Variants in MACROD2 observed in about 807,000 individuals in gnomAD.
MACROD2 encodes the protein ADP-ribose glycohydrolase MACROD2.
Under a neutral mutation model 70.4 loss-of-function variants are expected in MACROD2, and 36 were observed. The ratio of observed to expected loss-of-function variants is 0.51; its 90% CI spans 0.39 to 0.68. The LOEUF (loss-of-function observed/expected upper bound fraction) is 0.68. MACROD2 is among the 30% of genes least tolerant of loss of function. The pLI is 0.00. For synonymous variants in MACROD2, 172 were observed against 178.8 expected, an observed-to-expected ratio of 0.96 and a Z score of 0.30; for missense variants, 496 against 538.4, an observed-to-expected ratio of 0.92 and a Z score of 0.78.
At chr20:14,420,599 G>A (rs1353547827) in intron 3 of MACROD2, among the ~76,000 whole-genome samples, 2 of 152,178 alleles carry the variant, frequency 1.3e-5, no homozygotes, top group South Asian at 2.1e-4. Context: ...TGAGTTTTAG[G>A]AGTTCATTAT....
chr20:14,025,997 C>T (rs2053158333), intron 2 of MACROD2, among the ~76,000 whole-genome samples: 1 of 152,156 alleles, frequency 6.6e-6, no homozygotes, highest in Non-Finnish European at 1.5e-5. Context: ...TTATAGGTCT[C>T]TAAGAACTTG....
At chr20:14,614,937 C>T (rs1439990394) in intron 4 of MACROD2, among the ~76,000 whole-genome samples, 2 of 152,118 alleles carry the variant, frequency 1.3e-5, no homozygotes, top group Non-Finnish European at 2.9e-5. Context: ...GAGGCTGTCT[C>T]TAAGATGGAG....
intron 4 of MACROD2, among the ~76,000 whole-genome samples, chr20:14,551,368 A>G (rs1978640653): frequency 6.6e-6 from 1 of 151,734 alleles, no homozygotes; most frequent in Admixed American, 6.6e-5. Context: ...AAAAGATGGC[A>G]TTGCTTTCAC....
chr20:15,917,617 C>T (rs1488577647), intron 10 of MACROD2, among the ~76,000 whole-genome samples: 1 of 152,058 alleles, frequency 6.6e-6, no homozygotes, highest in African/African-American at 2.4e-5. Flanking sequence ...GTCAGCATGC[C>T]TCGTGAATGA....
At chr20:15,788,129 G>A (rs1225867643) in intron 8 of MACROD2, among the ~76,000 whole-genome samples, 1 of 152,114 alleles carries the variant, frequency 6.6e-6, no homozygotes, top group Admixed American at 6.5e-5. Context: ...TGTTAGCCAT[G>A]AAGGTGGTAA....
At chr20:14,082,889 C>T (rs1352549580) in intron 2 of MACROD2, among the ~76,000 whole-genome samples, 1 of 152,076 alleles carries the variant, frequency 6.6e-6, no homozygotes, top group African/African-American at 2.4e-5. Flanking sequence ...TGGTTAATCA[C>T]AATAGAAACT....
intron 3 of MACROD2, among the ~76,000 whole-genome samples, chr20:14,334,692 C>G (rs185020666): frequency 9.2e-5 from 14 of 151,376 alleles, no homozygotes; most frequent in African/African-American, 3.4e-4. Flanking sequence ...GGAGGAAAGA[C>G]GGAGGGGAGA....
intron 15 of MACROD2, among the ~76,000 whole-genome samples, chr20:16,026,732 T>C (rs543566746): frequency 2.8e-4 from 43 of 152,234 alleles, no homozygotes; most frequent in Non-Finnish European, 3.7e-4. Flanking sequence ...TTTTTTTTAT[T>C]TTTTGAGGAA....
chr20:15,235,801 AC>A (rs1385281282), intron 6 of MACROD2, among the ~76,000 whole-genome samples: 2 of 152,126 alleles, frequency 1.3e-5, no homozygotes, highest in Admixed American at 1.3e-4. Flanking sequence ...TTCATTTGGT[AC>A]CTCTGCTCCT....
chr20:14,855,692 A>G (rs2073248536), intron 5 of MACROD2, among the ~76,000 whole-genome samples: 1 of 138,460 alleles, frequency 7.2e-6, no homozygotes, highest in African/African-American at 2.7e-5. Context: ...TTGTAAGACT[A>G]TTACGTTAAT....
At chr20:15,572,687 G>A (rs1183399275) in intron 8 of MACROD2, among the ~76,000 whole-genome samples, 6 of 151,840 alleles carry the variant, frequency 4.0e-5, no homozygotes, top group African/African-American at 1.2e-4. Context: ...TAAGTATTTC[G>A]CATGAATGCA....
chr20:14,048,749 A>G (rs960799289), intron 2 of MACROD2, among the ~76,000 whole-genome samples: 25 of 152,240 alleles, frequency 1.6e-4, no homozygotes, highest in African/African-American at 6.0e-4. Flanking sequence ...TATGTTAAAC[A>G]TTTGTGAACA....
chr20:14,706,143 G>A (rs1263412517), intron 5 of MACROD2, among the ~76,000 whole-genome samples: 6 of 151,832 alleles, frequency 4.0e-5, no homozygotes, highest in South Asian at 2.1e-4. Flanking sequence ...ATGAAACCCC[G>A]TCTCTACTAA....
chr20:14,955,089 A>C (rs1354256717), intron 5 of MACROD2, among the ~76,000 whole-genome samples: 1 of 6,402 alleles, frequency 1.6e-4, no homozygotes, highest in Non-Finnish European at 6.0e-4. Flanking sequence ...AATGTATTAA[A>C]TATATTAAAT....
intron 8 of MACROD2, among the ~76,000 whole-genome samples, chr20:15,574,309 T>A (rs1263220379): frequency 6.6e-6 from 1 of 152,122 alleles, no homozygotes; most frequent in Non-Finnish European, 1.5e-5. Context: ...AAAAACATAA[T>A]TCCAAGAACA....
chr20:15,227,747 C>A (rs576821682), intron 5 of MACROD2, among the ~76,000 whole-genome samples: 1 of 149,890 alleles, frequency 6.7e-6, no homozygotes, highest in Non-Finnish European at 1.5e-5. Context: ...CTCCTGGAGA[C>A]GCACAACTCC....
intron 5 of MACROD2, among the ~76,000 whole-genome samples, chr20:14,993,312 T>G (rs1416048774): frequency 1.3e-5 from 2 of 151,972 alleles, no homozygotes; most frequent in African/African-American, 4.8e-5. Flanking sequence ...GAGGGGTCTT[T>G]GATATCATAT....
rs556519379 is a variant in MACROD2, at chr20:15,019,328, A to G, written c.419-210612A>G. ...GAAATAACCCTTTTATAAGTCAAAA[A>G]CGAAGCAAAACAAAATTTAAAACCC... On this transcript the variant is annotated intron_variant, in intron 5 of 17. Coordinates refer to ENST00000684519, the MANE Select transcript of MACROD2 (RefSeq NM_001351661.2). Among the ~76,000 whole-genome samples the G allele has an allele frequency of 6.6e-5, 10 of 152,344 alleles. No individual in the cohort carries two copies. In the South Asian group the frequency reaches 2.1e-3, roughly 32 times the overall value.
At chr20:15,318,811 C>T in intron 6 of MACROD2, among the ~76,000 whole-genome samples, 1 of 152,068 alleles carries the variant, frequency 6.6e-6, no homozygotes, top group East Asian at 1.9e-4. Flanking sequence ...GAGAAACTTT[C>T]TCAACATGTT....
Sources: allele counts gnomAD v4.1 joint callset (sites outside exome capture counted in the v4.1 genomes callset), GRCh38; gene constraint gnomAD v4.1.1; transcripts MANE v1.5; gene names NCBI Gene and HGNC (gene_info 2026-07-23, HGNC 2026-07-21).